ARL15: variants seen among roughly 807,000 people sequenced by gnomAD.
The protein encoded by ARL15 is ADP-ribosylation factor-like protein 15.
In ARL15, 19 loss-of-function variants were observed where a neutral mutation model predicts 25.2. The ratio of observed to expected loss-of-function variants is 0.75; its 90% CI spans 0.53 to 1.10. The LOEUF is 1.10. Ranked by LOEUF, ARL15 falls within the 50% of genes least tolerant of loss-of-function variation. The pLI, the probability that ARL15 is intolerant of heterozygous loss-of-function variation, is 0.00. For synonymous variants in ARL15, 94 were observed against 86.8 expected (o/e 1.08, Z -0.46); for missense variants, 220 against 246.0 (o/e 0.89, Z 0.71).
chr5:54,230,346 G>GAAAAAAAAAAAAAAAA (rs137882615), intron 1 of ARL15, among the ~76,000 whole-genome samples: 16 of 91,808 alleles, frequency 1.7e-4, no homozygotes, highest in Non-Finnish European at 2.1e-4. Flanking sequence ...TTCCATCTCA[G>GAAAAAAAAAAAAAAAA]AAAAAAAAAA....
At chr5:54,068,557 G>A (rs1406979948) in intron 4 of ARL15, among the ~76,000 whole-genome samples, 2 of 152,186 alleles carry the variant, frequency 1.3e-5, no homozygotes, top group Admixed American at 1.3e-4. Flanking sequence ...TAGTGAAAGA[G>A]ATCCCAGTCC....
At chr5:54,002,170 G>C (rs180770944) in intron 4 of ARL15, among the ~76,000 whole-genome samples, 66 of 152,260 alleles carry the variant, frequency 4.3e-4, no homozygotes, top group African/African-American at 1.5e-3. Flanking sequence ...ACTCAGAAAT[G>C]TGTCCTTGGC....
At chr5:54,203,577 A>G (rs756406818) in intron 1 of ARL15, among the ~76,000 whole-genome samples, 2 of 152,204 alleles carry the variant, frequency 1.3e-5, no homozygotes, top group Non-Finnish European at 2.9e-5. Flanking sequence ...TCCAATGACT[A>G]AAGTCAATTT....
chr5:53,940,041 C>A (rs943565025), intron 4 of ARL15, among the ~76,000 whole-genome samples: 9 of 150,432 alleles, frequency 6.0e-5, no homozygotes, highest in Middle Eastern at 3.4e-3. Flanking sequence ...TGCAGAGGCG[C>A]GATCTCGGCT....
intron 4 of ARL15, among the ~76,000 whole-genome samples, chr5:53,918,854 C>T (rs1341678038): frequency 1.3e-5 from 2 of 151,000 alleles, no homozygotes; most frequent in South Asian, 2.1e-4. Flanking sequence ...GCATTATTTT[C>T]GAAGGTCCAT....
intron 4 of ARL15, among the ~76,000 whole-genome samples, chr5:54,015,985 C>T (rs1476027911): frequency 6.6e-6 from 1 of 152,208 alleles, no homozygotes; most frequent in African/African-American, 2.4e-5. Context: ...CCTCACCCTC[C>T]TGTAACTTGT....
At chr5:54,242,463 G>A (rs918757266) in intron 1 of ARL15, among the ~76,000 whole-genome samples, 6 of 152,166 alleles carry the variant, frequency 3.9e-5, no homozygotes, top group African/African-American at 1.4e-4. Context: ...GCCAATCATA[G>A]TCTCATACAC....
intron 1 of ARL15, among the ~76,000 whole-genome samples, chr5:54,275,742 G>T (rs1442939953): frequency 6.6e-6 from 1 of 151,350 alleles, no homozygotes; most frequent in Non-Finnish European, 1.5e-5. Context: ...TGGAGTGCAG[G>T]GGTGCAATCT....
At chr5:54,245,796 C>T (rs1757073422) in intron 1 of ARL15, among the ~76,000 whole-genome samples, 2 of 152,186 alleles carry the variant, frequency 1.3e-5, no homozygotes, top group South Asian at 4.1e-4. Context: ...CCATGTTGGC[C>T]AAGCTGGTCT....
chr5:54,222,798 AG>A (rs2112535187), intron 1 of ARL15, among the ~76,000 whole-genome samples: 1 of 152,188 alleles, frequency 6.6e-6, no homozygotes, highest in African/African-American at 2.4e-5. Flanking sequence ...CTTTATCTCA[AG>A]CCTTGGCTTA....
At chr5:54,264,433 C>T (rs889161592) in intron 1 of ARL15, among the ~76,000 whole-genome samples, 4 of 152,134 alleles carry the variant, frequency 2.6e-5, no homozygotes, top group South Asian at 4.1e-4. Context: ...AAAACAGCAG[C>T]GAGAGTGATC....
intron 3 of ARL15, among the ~76,000 whole-genome samples, chr5:54,114,153 T>C (rs1396688857): frequency 6.6e-6 from 1 of 151,952 alleles, no homozygotes; most frequent in African/African-American, 2.4e-5. Context: ...ATCTCAGTAC[T>C]TTTGGAGGCC....
intron 4 of ARL15, among the ~76,000 whole-genome samples, chr5:53,941,116 G>A (rs891799828): frequency 6.6e-6 from 1 of 152,002 alleles, no homozygotes; most frequent in Non-Finnish European, 1.5e-5. Context: ...AATGTTATTT[G>A]TTAAACCAAA....
intron 1 of ARL15, among the ~76,000 whole-genome samples, chr5:54,202,171 G>T: frequency 6.6e-6 from 1 of 152,078 alleles, no homozygotes; most frequent in Non-Finnish European, 1.5e-5. Flanking sequence ...GAATAATCAA[G>T]GCAGAAAAAT....
chr5:53,915,319 G>C (rs537092459), intron 4 of ARL15, among the ~76,000 whole-genome samples: 18 of 152,312 alleles, frequency 1.2e-4, no homozygotes, highest in African/African-American at 4.3e-4. Context: ...TGCTGTGAGA[G>C]AGAAAGATAA....
At chr5:54,253,047 A>T (rs554293874) in intron 1 of ARL15, among the ~76,000 whole-genome samples, 13 of 150,026 alleles carry the variant, frequency 8.7e-5, no homozygotes, top group East Asian at 5.8e-4. Context: ...TTTTTTTTTT[A>T]AAAAAGCAAG....
chr5:54,254,760 A>G (rs1757322155), intron 1 of ARL15, among the ~76,000 whole-genome samples: 1 of 152,170 alleles, frequency 6.6e-6, no homozygotes, highest in African/African-American at 2.4e-5. Flanking sequence ...TCATCCAGAA[A>G]AAATCAACAG....
intron 4 of ARL15, among the ~76,000 whole-genome samples, chr5:53,923,507 T>A (rs530461356): frequency 6.6e-6 from 1 of 152,100 alleles, no homozygotes; most frequent in Non-Finnish European, 1.5e-5. Flanking sequence ...ATATAATAGG[T>A]TGTCAAATGC....
At chr5:53,960,416 G>A (rs566759606) in intron 4 of ARL15, among the ~76,000 whole-genome samples, 39 of 152,040 alleles carry the variant, frequency 2.6e-4, no homozygotes, top group Non-Finnish European at 3.8e-4. Context: ...AGAATCTTAC[G>A]GCCCAAACCA....
Sources: allele counts gnomAD v4.1 joint callset (sites outside exome capture counted in the v4.1 genomes callset), GRCh38; gene constraint gnomAD v4.1.1; transcripts MANE v1.5; gene names NCBI Gene and HGNC (gene_info 2026-07-23, HGNC 2026-07-21).